The following FUZ variants were observed in gnomAD, a reference collection of about 807,000 sequenced individuals.
FUZ encodes the protein protein fuzzy homolog.
Under a neutral mutation model 43.1 loss-of-function variants are expected in FUZ, and 31 were observed. The ratio of observed to expected loss-of-function variants is 0.72; its 90% CI spans 0.54 to 0.97. FUZ has a LOEUF of 0.97. Among genes scored for constraint, FUZ ranks in the 50% least tolerant of loss-of-function variants. The pLI is 0.00. For missense variants in FUZ, 539 were observed against 543.8 expected (o/e 0.99, Z 0.09); for synonymous variants, 274 against 250.0 (o/e 1.10, Z -0.91).
In FUZ at chr19:49,812,601, T is replaced by A; in HGVS notation, c.233+14A>T. 2.5e-6 allele frequency: 4 copies of A among 1,614,012 alleles called. No homozygotes were observed. Among genetic ancestry groups the A allele is most frequent in the Non-Finnish European group, 3.4e-6 (4 of 1,179,978 alleles). On this transcript the variant is annotated intron_variant, in intron 2 of 10. Coordinates refer to ENST00000313777, the MANE Select transcript of FUZ (RefSeq NM_025129.5). ...CCCAGGCCCTGTCCCTGTCCCACGT[T>A]CCCTCCTGGGGACCTGTCATGGAAG... is the stretch of plus-strand genomic sequence containing the variant.
chr19:49,807,189 C>A lies in FUZ; in HGVS notation c.1219G>T (p.Ala407Ser). The A allele has an allele frequency of 6.2e-7, 1 of 1,613,358 alleles. No individual in the cohort carries two copies. Among genetic ancestry groups the A allele is most frequent in the South Asian group, 1.1e-5 (1 of 91,022 alleles). The change falls in exon 11 of 11, where the codon GCC (alanine) becomes TCC (serine). Residue 407 changes from alanine to serine, a missense_variant. Coordinates refer to ENST00000313777, the MANE Select transcript of FUZ (RefSeq NM_025129.5). The stretch of plus-strand genomic sequence containing the variant: ...GTGAGGGCATGCAGAGTGTGGGTGG[C>A]CAGGCTTCGCAGCCCATGGGTGGGA... Reference protein sequence around the residue: ...QSPTHGLRSLATHTLHALTPL... With the variant: ...QSPTHGLRSLSTHTLHALTPL...
chr19:49,808,653 A>G lies in FUZ; in HGVS notation c.894-15T>C, dbSNP rs374559980. ...GGAGCAGCAGCCTGTGGGAAAGGGA[A>G]GGGAATGTCATGGCTGGGGAAGAGG... On this transcript the variant is annotated splice_polypyrimidine_tract_variant and intron_variant, in intron 8 of 10. Coordinates refer to ENST00000313777, the MANE Select transcript of FUZ (RefSeq NM_025129.5). 29 of 1,612,558 alleles carry G rather than the reference A, an allele frequency of 1.8e-5. No individual in the cohort carries two copies. The African/African-American group carries it at 3.9e-4, about 22-fold the overall frequency.
At position 49,811,708 on chromosome 19, in the gene FUZ, A is replaced by G. The variant is rs199608357; in HGVS notation, c.319-9T>C. ...AGTCCCACAAGAAGGACCTAGAAGA[A>G]TCATATAGGAGAGGATGGGCGAGGG... On this transcript the variant is annotated splice_polypyrimidine_tract_variant and intron_variant, in intron 3 of 10. Coordinates refer to ENST00000313777, the MANE Select transcript of FUZ (RefSeq NM_025129.5). The G allele has an allele frequency of 3.2e-5, 51 of 1,610,896 alleles. No individual in the cohort carries two copies. Among genetic ancestry groups the G allele is most frequent in the Non-Finnish European group, 4.1e-5 (48 of 1,177,138 alleles).
Position 49,809,654 on chromosome 19 carries a change from A to G in FUZ, c.493-79T>C. The G allele has an allele frequency of 2.1e-6, 3 of 1,439,340 alleles. No homozygotes were observed. Among genetic ancestry groups the G allele is most frequent in the Non-Finnish European group, 2.8e-6 (3 of 1,060,464 alleles). The allele number at this position is 1,439,340 out of a possible 1,614,324, so 89.2% of individuals were successfully genotyped here. On this transcript the variant is annotated intron_variant, in intron 5 of 10. Coordinates refer to ENST00000313777, the MANE Select transcript of FUZ (RefSeq NM_025129.5). The surrounding 1 kb of genome is among the most constrained non-coding windows in gnomAD (Gnocchi z 5.1). ...CAGCGACTTCCCAGATGGGCAGGGA[A>G]TGGGGAGAAACCCACAGCCAGCCCC... is the stretch of plus-strand genomic sequence containing the variant.
At chr19:49,812,959 C>G in intron 1 of FUZ, 37 bp downstream of exon 1, 1 of 1,509,960 alleles carries the variant, frequency 6.6e-7, no homozygotes, top group Non-Finnish European at 9.0e-7. Flanking sequence ...AAACACCGAA[C>G]CCCCTTCGGT....
intron 3 of FUZ, 104 bp from the exon 4 acceptor site, chr19:49,811,803 G>A (rs2073809292): frequency 6.1e-6 from 6 of 986,188 alleles, no homozygotes; most frequent in Non-Finnish European, 9.8e-6. Flanking sequence ...CTGGGGACTG[G>A]GGAGTCAAGA....
chr19:49,808,719 G>A lies in FUZ; in HGVS notation c.891C>T (p.Leu297=), dbSNP rs1475022872. ...CACTCCCTCCATCCGAGCCCTACCC[G>A]AGGATGTCTGTGTGAAGGGGGAAGC... is the stretch of plus-strand genomic sequence containing the variant. ...PSGFPLHTDI[L]GLLLLHLELK... is the part of the protein sequence containing the mutation. The change falls in exon 8 of 11, where the codon CTC becomes CTT. Residue 297 remains leucine, a splice_region_variant and synonymous_variant. Coordinates refer to ENST00000313777, the MANE Select transcript of FUZ (RefSeq NM_025129.5). The A allele has an allele frequency of 6.3e-7, 1 of 1,592,876 alleles. No homozygotes were observed. The highest frequency in any genetic ancestry group is 1.8e-5 in the Admixed American group (1 of 56,608).
intron 10 of FUZ, chr19:49,808,019 T>C: frequency 2.8e-6 from 1 of 358,162 alleles, no homozygotes; most frequent in East Asian, 7.2e-5. Context: ...GGGAGCAAGA[T>C]CCCCTGTGTT....
intron 10 of FUZ, among the ~76,000 whole-genome samples, chr19:49,807,723 G>A (rs556952893): frequency 2.6e-5 from 4 of 152,172 alleles, no homozygotes; most frequent in Non-Finnish European, 5.9e-5. Context: ...GTACAAGGCG[G>A]GTGGAGGGAA....
chr19:49,813,458 AGC>A, upstream of FUZ: 1 of 407,816 alleles, frequency 2.5e-6, no homozygotes. Context: ...GGCGTTGCCT[AGC>A]CACCATCCTG....
chr19:49,809,453 G>C lies in FUZ; in HGVS notation c.615C>G (p.Leu205=), dbSNP rs1263710900. Residue 205 remains leucine (L), a synonymous_variant, in exon 6 of 11, where the codon CTC becomes CTG. Transcript: ENST00000313777. The surrounding 1 kb of genome is among the most constrained non-coding windows in gnomAD (Gnocchi z 5.1). The part of the protein sequence containing the change: ...WRLGTPEAVL[L]PWLVGSLPPQ... Reference sequence around the variant, plus strand: ...GCGGCAGGGACCCCACCAGCCAGGGGAGCAGCACGGCCTCGGGCGTCCCCA... The same window carrying C: ...GCGGCAGGGACCCCACCAGCCAGGGCAGCAGCACGGCCTCGGGCGTCCCCA... 1 of 1,552,274 alleles carries C rather than the reference G, an allele frequency of 6.4e-7. No individual in the cohort carries two copies. Among genetic ancestry groups the C allele is most frequent in the African/African-American group, 1.4e-5 (1 of 73,576 alleles).
At chr19:49,810,119 C>T (rs1326697250) in intron 5 of FUZ, among the ~76,000 whole-genome samples, 1 of 152,144 alleles carries the variant, frequency 6.6e-6, no homozygotes, top group African/African-American at 2.4e-5. Flanking sequence ...TGCCACAGGC[C>T]TTCAAACACC....
Position 49,809,383 on chromosome 19 carries a change from G to T in FUZ, c.685C>A (p.Pro229Thr). Residue 229 changes from proline to threonine, a missense_variant, in exon 6 of 11, where the codon CCC becomes ACC. Physicochemically the swap from Pro to Thr is conservative, Grantham distance 38. Coordinates refer to ENST00000313777, the MANE Select transcript of FUZ (RefSeq NM_025129.5). The surrounding 1 kb of genome is among the most constrained non-coding windows in gnomAD (Gnocchi z 5.1). The stretch of plus-strand genomic sequence containing the variant: ...GGTGCCCGCCACCCACTCACCGTGG[G>T]GCTCCCGTGCGGCAGGTACACCGGG... ...DYPVYLPHGS[P>T]TVPHRLLTLT... 6.5e-7 allele frequency: 1 copy of T among 1,544,436 alleles called. No individual in the cohort carries two copies.
chr19:49,808,937 G>A, intron 7 of FUZ, 114 bp from the exon 8 acceptor site: 1 of 933,800 alleles, frequency 1.1e-6, no homozygotes, highest in South Asian at 1.4e-5. Flanking sequence ...GGGCCTGCAA[G>A]AAGAGTGGAG....
chr19:49,811,579 A>C (rs1399094131), intron 4 of FUZ, 52 bp downstream of exon 4: 1 of 1,591,168 alleles, frequency 6.3e-7, no homozygotes. Flanking sequence ...TAGTTCCCAA[A>C]TGGCAGTGCC....
intron 7 of FUZ, 58 bp from the exon 8 acceptor site, chr19:49,808,881 G>T: frequency 7.5e-7 from 1 of 1,331,568 alleles, no homozygotes; most frequent in Non-Finnish European, 1.0e-6. Context: ...GGCGGGGGAG[G>T]TCGGGGGGTG....
chr19:49,812,404 C>T, intron 2 of FUZ, 69 bp from the exon 3 acceptor site: 3 of 1,412,902 alleles, frequency 2.1e-6, no homozygotes, highest in Non-Finnish European at 3.0e-6. Context: ...TGGAGTCCGC[C>T]CATTGATCCT....
Position 49,813,042 on chromosome 19 carries a change from G to A in FUZ, c.65C>T (p.Pro22Leu). 1.3e-6 allele frequency: 2 copies of A among 1,551,278 alleles called. No individual in the cohort carries two copies. Among genetic ancestry groups the A allele is most frequent in the Non-Finnish European group, 1.7e-6 (2 of 1,146,984 alleles). ...LLCLAASSGV[P>L]LFCRSSRGGA... ...GCCGCGACTGCTCCTGCAGAATAGG[G>A]GGACCCCGCTGGAGGCCGCGAGGCA... The change falls in exon 1 of 11, where the codon CCC (proline) becomes CTC (leucine). Residue 22 changes from proline to leucine, a missense_variant. Transcript: ENST00000313777.
Position 49,811,650 on chromosome 19 carries a change from C to T in FUZ, c.368G>A (p.Arg123Lys). Reference protein sequence around the residue: ...EELTNIRNVERLKKDLRASYC... With the variant: ...EELTNIRNVEKLKKDLRASYC... ...CCTCACCCTCAAGTCCTTCTTCAGT[C>T]TCTCCACGTTGCGGATATTGGTCAG... The change falls in exon 4 of 11, where the codon AGA (arginine) becomes AAA (lysine). Residue 123 changes from arginine to lysine, a missense_variant. Physicochemically the swap from Arg to Lys is conservative, Grantham distance 26. Transcript: ENST00000313777. 6.2e-7 allele frequency: 1 copy of T among 1,614,202 alleles called. No individual in the cohort carries two copies. Among genetic ancestry groups the T allele is most frequent in the South Asian group, 1.1e-5 (1 of 91,086 alleles).
Sources: allele counts gnomAD v4.1 joint callset (sites outside exome capture counted in the v4.1 genomes callset), GRCh38; gene constraint gnomAD v4.1.1; non-coding constraint Gnocchi (gnomAD v3.1); transcripts MANE v1.5; gene names NCBI Gene and HGNC (gene_info 2026-07-23, HGNC 2026-07-21).